CDKAL1: variants seen among roughly 807,000 people sequenced by gnomAD.
CDKAL1 encodes threonylcarbamoyladenosine tRNA methylthiotransferase.
Under a neutral mutation model 68.2 loss-of-function variants are expected in CDKAL1, and 32 were observed. That is an observed-to-expected ratio of 0.47 (90% CI 0.35 to 0.63). The LOEUF (loss-of-function observed/expected upper bound fraction) is 0.63, where lower values mean the gene tolerates loss of function less well. Ranked by LOEUF, CDKAL1 falls within the 30% of genes least tolerant of loss-of-function variation. CDKAL1 has a pLI of 0.00. For synonymous variants in CDKAL1, 234 were observed against 244.3 expected (o/e 0.96, Z 0.39); for missense variants, 606 against 696.7 (o/e 0.87, Z 1.47).
intron 4 of CDKAL1, among the ~76,000 whole-genome samples, chr6:20,568,002 A>T (rs1435556246): frequency 6.6e-6 from 1 of 152,036 alleles, no homozygotes; most frequent in South Asian, 2.1e-4. Flanking sequence ...CAGCCTCCTA[A>T]GTAGCTGGGA....
intron 11 of CDKAL1, among the ~76,000 whole-genome samples, chr6:21,064,505 A>G (rs900547559): frequency 6.6e-6 from 1 of 152,244 alleles, no homozygotes; most frequent in African/African-American, 2.4e-5. Flanking sequence ...CAACATAGGT[A>G]TATAGAACAT....
chr6:21,075,854 T>G (rs1028402297), intron 12 of CDKAL1, among the ~76,000 whole-genome samples: 1 of 152,148 alleles, frequency 6.6e-6, no homozygotes, highest in South Asian at 2.1e-4. Flanking sequence ...AAAATATTGA[T>G]GATGAATAAT....
At chr6:20,907,060 C>T (rs141314751) in intron 9 of CDKAL1, among the ~76,000 whole-genome samples, 6 of 152,154 alleles carry the variant, frequency 3.9e-5, no homozygotes, top group East Asian at 1.9e-4. Flanking sequence ...TAGTGATTCT[C>T]AGGGATTGAG....
intron 13 of CDKAL1, among the ~76,000 whole-genome samples, chr6:21,157,566 TTAAG>T (rs1443729304): frequency 1.3e-5 from 2 of 152,190 alleles, no homozygotes; most frequent in African/African-American, 2.4e-5. Context: ...TAGTTTTTAC[TTAAG>T]TAATATAAAA....
At chr6:21,181,015 C>T (rs1049776316) in intron 13 of CDKAL1, among the ~76,000 whole-genome samples, 1 of 152,108 alleles carries the variant, frequency 6.6e-6, no homozygotes, top group Non-Finnish European at 1.5e-5. Flanking sequence ...TTACTGCTGG[C>T]AGAGAGATCA....
intron 5 of CDKAL1, among the ~76,000 whole-genome samples, chr6:20,703,056 T>C (rs1469150804): frequency 6.6e-6 from 1 of 152,246 alleles, no homozygotes; most frequent in Non-Finnish European, 1.5e-5. Flanking sequence ...ATGGTTTCCA[T>C]TAGAATATGT....
intron 12 of CDKAL1, among the ~76,000 whole-genome samples, chr6:21,102,606 C>T (rs1582201739): frequency 6.6e-6 from 1 of 152,316 alleles, no homozygotes; most frequent in South Asian, 2.1e-4. Context: ...TTGGCTCTTT[C>T]GGCCCTTTTG....
At chr6:21,056,121 C>T (rs1026609559) in intron 11 of CDKAL1, among the ~76,000 whole-genome samples, 4 of 151,872 alleles carry the variant, frequency 2.6e-5, no homozygotes, top group East Asian at 1.9e-4. Flanking sequence ...TCTAATGATC[C>T]GTGATGTTGA....
chr6:21,154,732 G>A (rs888929385), intron 13 of CDKAL1, among the ~76,000 whole-genome samples: 4 of 152,176 alleles, frequency 2.6e-5, no homozygotes, highest in African/African-American at 7.2e-5. Context: ...GCTCACACCT[G>A]TAATCCCAGC....
chr6:20,692,911 C>T (rs559782195), intron 5 of CDKAL1, among the ~76,000 whole-genome samples: 5 of 151,520 alleles, frequency 3.3e-5, no homozygotes, highest in South Asian at 4.2e-4. Context: ...TGGATCACGA[C>T]GTGAGGAGAT....
Position 21,134,364 on chromosome 6 carries a change from G to A in CDKAL1, c.1299+25901G>A, listed in dbSNP as rs375492014. 3.9e-5 allele frequency among the ~76,000 whole-genome samples: 6 copies of A among 152,232 alleles called. No homozygotes were observed. In the East Asian group the frequency reaches 1.2e-3, roughly 29 times the overall value. The stretch of plus-strand genomic sequence containing the variant: ...TTAAATTCTCCTGGGAAGTTACCTT[G>A]TACAAAATTGCTAGAGCATATTTCT... On this transcript the variant is annotated intron_variant, in intron 13 of 15. Transcript: ENST00000274695.
chr6:20,965,357 AC>A (rs1483283171), intron 10 of CDKAL1, among the ~76,000 whole-genome samples: 1 of 125,416 alleles, frequency 8.0e-6, no homozygotes, highest in Non-Finnish European at 1.6e-5. Context: ...AAGAGGGAAG[AC>A]TGTAGTGAGC....
intron 8 of CDKAL1, among the ~76,000 whole-genome samples, chr6:20,826,380 T>A (rs1390613860): frequency 6.6e-6 from 1 of 152,220 alleles, no homozygotes; most frequent in Non-Finnish European, 1.5e-5. Context: ...TGCTTGCTTT[T>A]CTTGTGAAAG....
intron 10 of CDKAL1, among the ~76,000 whole-genome samples, chr6:20,969,923 A>G: frequency 6.7e-6 from 1 of 150,120 alleles, no homozygotes; most frequent in African/African-American, 2.5e-5. Flanking sequence ...TTGTATGGAT[A>G]TCACATTCCC....
intron 9 of CDKAL1, among the ~76,000 whole-genome samples, chr6:20,949,332 T>C (rs567336475): frequency 1.3e-5 from 2 of 152,370 alleles, no homozygotes; most frequent in South Asian, 2.1e-4. Flanking sequence ...AAGCTGCATT[T>C]CCATATTGTC....
At chr6:20,637,036 CAAAAAAAA>C (rs58986368) in intron 4 of CDKAL1, among the ~76,000 whole-genome samples, 29 of 113,268 alleles carry the variant, frequency 2.6e-4, no homozygotes, top group Non-Finnish European at 4.9e-4. Flanking sequence ...GACTCCGTCT[CAAAAAAAA>C]AAAAAAAAGA....
At chr6:20,840,331 G>C (rs1420797880) in intron 8 of CDKAL1, among the ~76,000 whole-genome samples, 2 of 152,156 alleles carry the variant, frequency 1.3e-5, no homozygotes, top group Non-Finnish European at 1.5e-5. Flanking sequence ...GGATTGAGAG[G>C]TGATAAGTAT....
At position 20,607,969 on chromosome 6, in the gene CDKAL1, A is replaced by G. The variant is rs567270738; in HGVS notation, c.287-41324A>G. Among the ~76,000 whole-genome samples the G allele has an allele frequency of 8.7e-4, 132 of 152,304 alleles. 1 individual carries two copies. Among genetic ancestry groups the G allele is most frequent in the African/African-American group, 3.0e-3 (125 of 41,568 alleles). On this transcript the variant is annotated intron_variant, in intron 4 of 15. Transcript: ENST00000274695. Reference sequence around the variant, plus strand: ...CTTGGCCTCCCAGAGTGCTGGGATTACAGACATGAGCCACTGCACCCAGCC... The same window carrying G: ...CTTGGCCTCCCAGAGTGCTGGGATTGCAGACATGAGCCACTGCACCCAGCC...
At position 20,805,770 on chromosome 6, in the gene CDKAL1, T is replaced by G. The variant is rs78376217; in HGVS notation, c.638+24505T>G. On this transcript the variant is annotated intron_variant, in intron 8 of 15. Coordinates refer to ENST00000274695, the MANE Select transcript of CDKAL1 (RefSeq NM_017774.3). ...ACTATAACCACTGTAAGTTTCTGATTGGCACATTTGTTACCCAAGCAAGGA... is the reference window on the plus strand; with the variant it reads ...ACTATAACCACTGTAAGTTTCTGATGGGCACATTTGTTACCCAAGCAAGGA... Among the ~76,000 whole-genome samples, 693 of 152,310 alleles carry G rather than the reference T, an allele frequency of 4.5e-3. 9 individuals are homozygous for G. The highest frequency in any genetic ancestry group is 0.014 in the African/African-American group (587 of 41,582).
Sources: gnomAD v4.1 joint callset for allele counts (sites outside exome capture counted in the v4.1 genomes callset) on GRCh38, gnomAD v4.1.1 for gene constraint, MANE v1.5 for transcripts, NCBI Gene and HGNC (gene_info 2026-07-23, HGNC 2026-07-21) for gene names.